STT3B: variants seen among roughly 807,000 people sequenced by gnomAD.
STT3B encodes STT3 oligosaccharyltransferase complex catalytic subunit B.
STT3B carries 29 observed loss-of-function variants against 96.8 expected under a neutral mutation model. That is an observed-to-expected ratio of 0.30 (90% CI 0.22 to 0.41). The LOEUF (loss-of-function observed/expected upper bound fraction) is 0.41, where lower values mean the gene tolerates loss of function less well. Ranked by LOEUF, STT3B falls within the 10% of genes least tolerant of loss-of-function variation. The pLI, the probability that STT3B is intolerant of heterozygous loss-of-function variation, is 1.00. For synonymous variants in STT3B, 367 were observed against 360.0 expected, an observed-to-expected ratio of 1.02 and a Z score of -0.22; for missense variants, 640 against 1,022.3, an observed-to-expected ratio of 0.63 and a Z score of 5.10.
At chr3:31,616,708 G>A (rs1316880229) in intron 6 of STT3B, among the ~76,000 whole-genome samples, 1 of 150,548 alleles carries the variant, frequency 6.6e-6, no homozygotes, top group Non-Finnish European at 1.5e-5. Context: ...TGGTACATGT[G>A]TAAGGAGTCT....
rs999435271 is a variant in STT3B, at chr3:31,636,733, G to A, written c.*669G>A. The A allele has an allele frequency of 5.3e-5, 8 of 152,076 alleles. No individual in the cohort carries two copies. The highest frequency in any genetic ancestry group is 3.9e-4 in the Admixed American group (6 of 15,256). The allele number at this position is 152,076 out of a possible 1,614,324, so 9.4% of individuals were successfully genotyped here. ...CACATTATTACTGCTGTTAGCAGTC[G>A]TTTTCACCAGGTACTTACAGAGCAG... On this transcript the variant is annotated 3_prime_UTR_variant, in exon 16 of 16. Transcript: ENST00000295770.
intron 5 of STT3B, among the ~76,000 whole-genome samples, 161 bp downstream of exon 5, chr3:31,600,620 A>G (rs749741004): frequency 4.5e-4 from 69 of 152,092 alleles, no homozygotes; most frequent in Non-Finnish European, 6.0e-4. Context: ...GCATTTTTAT[A>G]TAAGTGCTTT....
intron 1 of STT3B, among the ~76,000 whole-genome samples, chr3:31,549,647 A>G (rs1376233666): frequency 6.6e-6 from 1 of 152,202 alleles, no homozygotes; most frequent in Admixed American, 6.5e-5. Context: ...TCTATATCTA[A>G]TAATTGTTAG....
At chr3:31,623,232 C>G (rs541767403) in intron 10 of STT3B, among the ~76,000 whole-genome samples, 14 of 152,136 alleles carry the variant, frequency 9.2e-5, no homozygotes, top group Non-Finnish European at 1.9e-4. Context: ...AATCGGAAGA[C>G]TGATTCTGTT....
intron 3 of STT3B, among the ~76,000 whole-genome samples, chr3:31,588,672 TTTGAG>T (rs1698600245): frequency 6.6e-6 from 1 of 152,118 alleles, no homozygotes; most frequent in Non-Finnish European, 1.5e-5. Flanking sequence ...TGTGATTCAT[TTTGAG>T]TTATTTTCAT....
intron 5 of STT3B, among the ~76,000 whole-genome samples, chr3:31,609,605 T>C (rs1452655448): frequency 6.6e-6 from 1 of 152,016 alleles, no homozygotes; most frequent in Non-Finnish European, 1.5e-5. Flanking sequence ...TTTGTTTTGT[T>C]TTGTTTTGAG....
chr3:31,592,139 C>A (rs937188821), intron 3 of STT3B, among the ~76,000 whole-genome samples: 1 of 152,138 alleles, frequency 6.6e-6, no homozygotes, highest in Non-Finnish European at 1.5e-5. Context: ...TCCCCTCCGC[C>A]CCTGGCACCA....
intron 14 of STT3B, among the ~76,000 whole-genome samples, chr3:31,632,477 A>G (rs1360243091): frequency 6.6e-6 from 1 of 152,174 alleles, no homozygotes; most frequent in African/African-American, 2.4e-5. Context: ...GTCAGTCACT[A>G]ATCTCAAGAA....
chr3:31,619,206 A>AAC (rs1352909517), intron 8 of STT3B, among the ~76,000 whole-genome samples: 2 of 152,168 alleles, frequency 1.3e-5, no homozygotes, highest in Non-Finnish European at 2.9e-5. Flanking sequence ...ATGCTTATTG[A>AAC]AGCATTTCAG....
intron 14 of STT3B, 147 bp from the exon 15 acceptor site, chr3:31,632,788 C>CT (rs1699690050): frequency 1.6e-6 from 1 of 645,052 alleles, no homozygotes. Context: ...GTTAGCAATA[C>CT]ATGAGAACTA....
chr3:31,603,079 C>T (rs1349548662), intron 5 of STT3B, among the ~76,000 whole-genome samples: 1 of 151,972 alleles, frequency 6.6e-6, no homozygotes, highest in African/African-American at 2.4e-5. Flanking sequence ...TTTGTTCTCT[C>T]TCCCCTTGAG....
At chr3:31,617,318 G>C (rs1699328207) in intron 7 of STT3B, among the ~76,000 whole-genome samples, 1 of 150,020 alleles carries the variant, frequency 6.7e-6, no homozygotes, top group African/African-American at 2.4e-5. Flanking sequence ...CAGAGCTTCT[G>C]TTATTTACCT....
intron 1 of STT3B, among the ~76,000 whole-genome samples, chr3:31,554,292 A>G (rs1156400542): frequency 2.0e-5 from 3 of 152,182 alleles, no homozygotes; most frequent in African/African-American, 7.2e-5. Context: ...TTTTGAGCCA[A>G]TGGAAAAAAT....
chr3:31,557,606 T>A (rs749704621), intron 1 of STT3B, among the ~76,000 whole-genome samples: 12 of 151,302 alleles, frequency 7.9e-5, no homozygotes, highest in Non-Finnish European at 1.6e-4. Context: ...TAAATTTATT[T>A]CTAGGTATAT....
intron 1 of STT3B, among the ~76,000 whole-genome samples, chr3:31,534,873 CTATT>C (rs1412221927): frequency 7.2e-5 from 11 of 151,986 alleles, no homozygotes; most frequent in Non-Finnish European, 4.4e-5. Context: ...TTAGTGTAGA[CTATT>C]TATGAGCCTA....
At position 31,617,711 on chromosome 3, in the gene STT3B, A is replaced by G. The variant is rs186475591; in HGVS notation, c.1124-229A>G. 1.2e-3 allele frequency among the ~76,000 whole-genome samples: 180 copies of G among 152,072 alleles called. 2 individuals are homozygous for G. Among genetic ancestry groups the G allele is most frequent in the Middle Eastern group, 6.8e-3 (2 of 294 alleles). On this transcript the variant is annotated intron_variant, in intron 7 of 15. Coordinates refer to ENST00000295770, the MANE Select transcript of STT3B (RefSeq NM_178862.3). Reference sequence around the variant, plus strand: ...GAAAACTTTCTACAACTTTATCTCAAATGTGTTTCTCTGGAAGTGGGTTCT... The same window carrying G: ...GAAAACTTTCTACAACTTTATCTCAGATGTGTTTCTCTGGAAGTGGGTTCT...
At chr3:31,633,178 A>T in intron 15 of STT3B, 31 bp downstream of exon 15, 1 of 1,582,110 alleles carries the variant, frequency 6.3e-7, no homozygotes, top group Non-Finnish European at 8.6e-7. Context: ...TTAAAGGGTA[A>T]CTTAAGGTGT....
intron 3 of STT3B, among the ~76,000 whole-genome samples, chr3:31,584,155 T>C (rs1386339133): frequency 6.6e-6 from 1 of 152,218 alleles, no homozygotes; most frequent in Non-Finnish European, 1.5e-5. Flanking sequence ...CCACTTATCT[T>C]AGCACTGTTA....
intron 1 of STT3B, among the ~76,000 whole-genome samples, chr3:31,552,831 C>T (rs556283622): frequency 1.2e-4 from 19 of 152,212 alleles, no homozygotes; most frequent in Non-Finnish European, 2.2e-4. Context: ...AGGCCGGGCA[C>T]GGTGGCTCAC....
Sources: allele counts gnomAD v4.1 joint callset (sites outside exome capture counted in the v4.1 genomes callset), GRCh38; gene constraint gnomAD v4.1.1; transcripts MANE v1.5; gene names NCBI Gene and HGNC (gene_info 2026-07-23, HGNC 2026-07-21).